Variants in RSBN1 observed in about 807,000 individuals in gnomAD.
RSBN1 encodes lysine-specific demethylase 9.
A neutral mutation model predicts 74.8 loss-of-function variants in RSBN1; 23 were observed. The observed-to-expected ratio is 0.31, with a 90% CI of 0.22 to 0.44. The LOEUF is 0.44. Among genes scored for constraint, RSBN1 ranks in the 20% least tolerant of loss-of-function variants. The probability of loss-of-function intolerance (pLI) is 1.00; values close to 1 mark genes in which losing one functional copy is unlikely to be tolerated. For synonymous variants in RSBN1, 407 were observed against 379.6 expected (o/e 1.07, Z -0.84); for missense variants, 808 against 1,020.9 (o/e 0.79, Z 2.84).
chr1:113,776,810 C>CAAAAAAAAAAAAAAAAAAAAAAAAAAA (rs58152175), intron 4 of RSBN1, among the ~76,000 whole-genome samples: 1 of 90,262 alleles, frequency 1.1e-5, no homozygotes, highest in Non-Finnish European at 2.2e-5. Context: ...GACCCTATCT[C>CAAAAAAAAAAAAAAAAAAAAAAAAAAA]AAAAAAAAAA....
chr1:113,768,337 G>A lies in RSBN1; in HGVS notation c.1711C>T (p.Arg571Cys), dbSNP rs1297641681. ...LQYLPRTSEP[R>C]EVLFEDRTRA... is the part of the protein sequence containing the mutation. ...GTCCTATCTTCAAAGAGAACTTCGC[G>A]GGGTTCACTGGTCCGAGGTAGGTAC... Residue 571 changes from arginine (R) to cysteine (C), a missense_variant, in exon 5 of 7, where the codon CGC becomes TGC. Arg to Cys is a radical substitution (Grantham distance 180). Coordinates refer to ENST00000261441, the MANE Select transcript of RSBN1 (RefSeq NM_018364.5). 6.2e-7 allele frequency: 1 copy of A among 1,612,116 alleles called. No homozygotes were observed. Among genetic ancestry groups the A allele is most frequent in the Non-Finnish European group, 8.5e-7 (1 of 1,178,730 alleles).
At chr1:113,785,828 C>A (rs1398568345) in intron 2 of RSBN1, among the ~76,000 whole-genome samples, 2 of 152,024 alleles carry the variant, frequency 1.3e-5, no homozygotes, top group African/African-American at 4.8e-5. Flanking sequence ...ATAATAAACA[C>A]AGAAAGCAAA....
chr1:113,796,224 C>T (rs1660469244), intron 2 of RSBN1: 1 of 152,178 alleles, frequency 6.6e-6, no homozygotes, highest in Non-Finnish European at 1.5e-5. Context: ...AGACGAAGCC[C>T]TTTATTGCAC....
rs145673654 is a variant in RSBN1, at chr1:113,794,729, G to T, written c.1377+2634C>A. 1.2e-3 allele frequency among the ~76,000 whole-genome samples: 183 copies of T among 152,100 alleles called. 4 individuals are homozygous for T. The highest frequency in any genetic ancestry group is 4.1e-3 in the African/African-American group (170 of 41,456). On this transcript the variant is annotated intron_variant, in intron 2 of 6. Transcript: ENST00000261441. ...ACAGACAGTGCTCCCTCTATTACAG[G>T]GTTTTCCCTATGCGTACCTCTACTC...
intron 4 of RSBN1, among the ~76,000 whole-genome samples, chr1:113,775,319 C>G (rs562111366): frequency 1.3e-5 from 2 of 151,562 alleles, no homozygotes; most frequent in African/African-American, 4.8e-5. Flanking sequence ...GCCACCATGC[C>G]CAGCCTGCCT....
At position 113,812,161 on chromosome 1, in the gene RSBN1, T is replaced by A. The variant is rs767859948; in HGVS notation, c.252A>T (p.Gly84=). The change falls in exon 1 of 7, where the codon GGA becomes GGT. Residue 84 remains glycine, a synonymous_variant. Coordinates refer to ENST00000261441, the MANE Select transcript of RSBN1 (RefSeq NM_018364.5). ...EKPHAGVSPR[G]VKRQRRSSSG... is the part of the protein sequence containing the mutation. ...TGCTAGATCGGCGCTGCCGTTTAAC[T>A]CCCCGCGGGGAGACCCCAGCATGAG... The A allele has an allele frequency of 1.1e-5, 17 of 1,609,152 alleles. No individual in the cohort carries two copies. In the South Asian group the frequency reaches 1.8e-4, roughly 17 times the overall value.
chr1:113,778,578 G>T (rs951286719), intron 2 of RSBN1, among the ~76,000 whole-genome samples: 1 of 152,132 alleles, frequency 6.6e-6, no homozygotes, highest in Admixed American at 6.6e-5. Flanking sequence ...AGGAGTACAG[G>T]TGTGAGCCAC....
At chr1:113,777,596 GC>G in intron 3 of RSBN1, 74 bp downstream of exon 3, 1 of 1,377,208 alleles carries the variant, frequency 7.3e-7, no homozygotes, top group Non-Finnish European at 9.9e-7. Context: ...GGCAATATTA[GC>G]TAAATACTCT....
chr1:113,801,714 G>C (rs1181817844), intron 1 of RSBN1, among the ~76,000 whole-genome samples: 22 of 152,162 alleles, frequency 1.4e-4, no homozygotes, highest in Non-Finnish European at 2.9e-5. Flanking sequence ...CTGTGATTAA[G>C]AAAAACTTTC....
intron 1 of RSBN1, among the ~76,000 whole-genome samples, chr1:113,800,713 T>G (rs1351730528): frequency 6.6e-6 from 1 of 152,124 alleles, no homozygotes; most frequent in East Asian, 1.9e-4. Context: ...ACACATTTTC[T>G]GTATTACTAT....
chr1:113,806,550 A>C (rs1327896706), intron 1 of RSBN1, among the ~76,000 whole-genome samples: 1 of 152,114 alleles, frequency 6.6e-6, no homozygotes, highest in Non-Finnish European at 1.5e-5. Context: ...AAAATTATAA[A>C]ACTTTTAGAA....
At position 113,762,170 on chromosome 1, in the gene RSBN1, G is replaced by T. The variant is rs546277746; in HGVS notation, c.*3810C>A. 6.5e-6 allele frequency: 1 copy of T among 152,830 alleles called. No individual in the cohort carries two copies. Among genetic ancestry groups the T allele is most frequent in the Non-Finnish European group, 1.5e-5 (1 of 68,006 alleles). The allele number at this position is 152,830 out of a possible 1,614,324, so 9.5% of individuals were successfully genotyped here. The stretch of plus-strand genomic sequence containing the variant: ...AGTCTTAGCTGCCAATCAAAATGGA[G>T]TTTACTCACAGAAAACACTATTACA... On this transcript the variant is annotated 3_prime_UTR_variant, in exon 7 of 7. Coordinates refer to ENST00000261441, the MANE Select transcript of RSBN1 (RefSeq NM_018364.5).
chr1:113,782,080 A>G (rs1660149426), intron 2 of RSBN1, among the ~76,000 whole-genome samples: 1 of 152,214 alleles, frequency 6.6e-6, no homozygotes. Context: ...TTCCAAGGGA[A>G]TAACAGACCA....
Position 113,797,352 on chromosome 1 carries a change from T to G in RSBN1, c.1377+11A>C, listed in dbSNP as rs1446357318. On this transcript the variant is annotated intron_variant, in intron 2 of 6. Coordinates refer to ENST00000261441, the MANE Select transcript of RSBN1 (RefSeq NM_018364.5). ...GTATTTACTAATTTTTAACAACAAT[T>G]TTTATCTTACCTGAGTGTGAAAATT... 1.9e-6 allele frequency: 3 copies of G among 1,594,884 alleles called. No homozygotes were observed. In the South Asian group the frequency reaches 3.4e-5, roughly 18 times the overall value.
At chr1:113,771,716 G>C (rs1659887526) in intron 4 of RSBN1, among the ~76,000 whole-genome samples, 1 of 147,654 alleles carries the variant, frequency 6.8e-6, no homozygotes, top group Non-Finnish European at 1.5e-5. Context: ...CCTATAAGCA[G>C]TAAGGAGAAT....
rs374084927 is a variant in RSBN1, at chr1:113,765,698, C to A, written c.*282G>T. 54 of 296,764 alleles carry A rather than the reference C, an allele frequency of 1.8e-4. 1 individual carries two copies. The highest frequency in any genetic ancestry group is 1.6e-3 in the East Asian group (29 of 18,082). 18.4% of individuals were successfully genotyped at this position (296,764 alleles called of 1,614,324 possible). The stretch of plus-strand genomic sequence containing the variant: ...CAAGAATCTGTTATTCCAGAGAATT[C>A]TCATTTTGATTTGAAGAAGAGATTG... On this transcript the variant is annotated 3_prime_UTR_variant, in exon 7 of 7. Transcript: ENST00000261441.
chr1:113,807,806 C>T (rs1660740818), intron 1 of RSBN1, among the ~76,000 whole-genome samples: 1 of 149,816 alleles, frequency 6.7e-6, no homozygotes, highest in East Asian at 1.9e-4. Flanking sequence ...TGTATACACA[C>T]ACACACACAC....
intron 2 of RSBN1, 119 bp downstream of exon 2, chr1:113,797,244 G>T: frequency 1.3e-6 from 1 of 799,172 alleles, no homozygotes; most frequent in Non-Finnish European, 1.9e-6. Context: ...ACAATTTGAA[G>T]CACCTTTATT....
intron 2 of RSBN1, among the ~76,000 whole-genome samples, chr1:113,787,941 A>T (rs1165129123): frequency 6.6e-6 from 1 of 152,214 alleles, no homozygotes; most frequent in Admixed American, 6.5e-5. Context: ...GTTTGATGAA[A>T]ACATAACCAG....
Sources: gnomAD v4.1 joint callset for allele counts (sites outside exome capture counted in the v4.1 genomes callset) on GRCh38, gnomAD v4.1.1 for gene constraint, MANE v1.5 for transcripts, NCBI Gene and HGNC (gene_info 2026-07-23, HGNC 2026-07-21) for gene names.